Variants in ATRNL1 observed in about 807,000 individuals in gnomAD.
The protein encoded by ATRNL1 is attractin-like protein 1.
Under a neutral mutation model 182.7 loss-of-function variants are expected in ATRNL1, and 95 were observed. The observed-to-expected ratio is 0.52, with a 90% confidence interval of 0.44 to 0.62. The LOEUF (loss-of-function observed/expected upper bound fraction) is 0.62, where lower values mean the gene tolerates loss of function less well. Ranked by LOEUF, ATRNL1 falls within the 20% of genes least tolerant of loss-of-function variation. The probability of loss-of-function intolerance (pLI) is 0.00; values close to 1 mark genes in which losing one functional copy is unlikely to be tolerated. For missense variants in ATRNL1, 1,471 were observed against 1,679.5 expected (o/e 0.88, Z 2.17); for synonymous variants, 576 against 568.3 (o/e 1.01, Z -0.19).
At chr10:115,295,789 G>A (rs1323216044) in intron 15 of ATRNL1, among the ~76,000 whole-genome samples, 2 of 152,106 alleles carry the variant, frequency 1.3e-5, no homozygotes, top group Non-Finnish European at 2.9e-5. Flanking sequence ...TGTAGGACCA[G>A]AGTCACAGCC....
intron 26 of ATRNL1, among the ~76,000 whole-genome samples, chr10:115,726,477 CTT>C (rs1393625534): frequency 6.6e-6 from 1 of 152,124 alleles, no homozygotes; most frequent in Non-Finnish European, 1.5e-5. Context: ...TTTATCATGA[CTT>C]AATGAATATC....
At chr10:115,582,216 T>TAA (rs1855150512) in intron 26 of ATRNL1, among the ~76,000 whole-genome samples, 1 of 46,338 alleles carries the variant, frequency 2.2e-5, no homozygotes, top group East Asian at 7.1e-3. Context: ...CGTGTGCACG[T>TAA]GTCTTTATAG....
intron 19 of ATRNL1, among the ~76,000 whole-genome samples, chr10:115,343,104 C>T (rs1554938864): frequency 6.6e-6 from 1 of 152,070 alleles, no homozygotes; most frequent in African/African-American, 2.4e-5. Context: ...ATGTAGTCTT[C>T]TTTGGGTTTA....
chr10:115,188,948 T>A (rs1022065732), intron 8 of ATRNL1, among the ~76,000 whole-genome samples: 14 of 152,148 alleles, frequency 9.2e-5, no homozygotes, highest in African/African-American at 3.4e-4. Context: ...TTGGCATTTG[T>A]GGTAGAGTTT....
chr10:115,439,999 TTTAA>T lies in ATRNL1; in HGVS notation c.3322+13701_3322+13704del, dbSNP rs1329909235. Among the ~76,000 whole-genome samples the T allele has an allele frequency of 3.9e-5, 6 of 151,974 alleles. No individual in the cohort carries two copies. In the East Asian group the frequency reaches 7.7e-4, roughly 20 times the overall value. ...TTCCTTCTCCTTCCTCATTAATTTG[TTTAA>T]TTATTTATTTATATCGGTATGAACT... On this transcript the variant is annotated intron_variant, in intron 21 of 28. Coordinates refer to ENST00000355044, the MANE Select transcript of ATRNL1 (RefSeq NM_207303.4).
intron 26 of ATRNL1, among the ~76,000 whole-genome samples, chr10:115,583,021 G>A (rs1181033338): frequency 8.9e-5 from 13 of 146,544 alleles, no homozygotes; most frequent in African/African-American, 2.0e-4. Context: ...CCCATTGCTC[G>A]TTTTTCTCAG....
chr10:115,694,497 G>T (rs562505759), intron 26 of ATRNL1, among the ~76,000 whole-genome samples: 1,757 of 152,056 alleles, frequency 0.012, 33 homozygotes, highest in African/African-American at 0.04. Context: ...TTTTCATAAT[G>T]TAAACAGCTA....
At chr10:115,505,925 A>G (rs1176237694) in intron 24 of ATRNL1, among the ~76,000 whole-genome samples, 4 of 151,884 alleles carry the variant, frequency 2.6e-5, no homozygotes, top group African/African-American at 4.8e-5. Context: ...GGCTGGATTC[A>G]GGAACCAAAC....
chr10:115,856,572 A>G (rs782343765), intron 28 of ATRNL1, among the ~76,000 whole-genome samples: 3 of 151,842 alleles, frequency 2.0e-5, no homozygotes, highest in Non-Finnish European at 4.4e-5. Context: ...GTGGAAGACA[A>G]TTTTCCACAG....
At chr10:115,713,289 T>A (rs906350251) in intron 26 of ATRNL1, among the ~76,000 whole-genome samples, 3 of 152,174 alleles carry the variant, frequency 2.0e-5, no homozygotes, top group Non-Finnish European at 4.4e-5. Context: ...ACATCTTCTA[T>A]CTACCAGATA....
intron 27 of ATRNL1, among the ~76,000 whole-genome samples, chr10:115,757,776 C>T (rs1948629000): frequency 6.6e-6 from 1 of 152,054 alleles, no homozygotes; most frequent in Admixed American, 6.6e-5. Flanking sequence ...TTCCATTCTC[C>T]CCATCACTGT....
chr10:115,560,651 A>G (rs1853647473), intron 26 of ATRNL1, among the ~76,000 whole-genome samples: 1 of 152,098 alleles, frequency 6.6e-6, no homozygotes, highest in Admixed American at 6.5e-5. Context: ...TTATTTGTAG[A>G]AATTGACAAG....
Position 115,097,769 on chromosome 10 carries a change from C to T in ATRNL1, c.293+3726C>T, listed in dbSNP as rs555796007. 3.9e-5 allele frequency among the ~76,000 whole-genome samples: 6 copies of T among 152,058 alleles called. No homozygotes were observed. In the East Asian group the frequency reaches 1.2e-3, roughly 30 times the overall value. On this transcript the variant is annotated intron_variant, in intron 1 of 28. Coordinates refer to ENST00000355044, the MANE Select transcript of ATRNL1 (RefSeq NM_207303.4). ...TGAAACCCCGTCTCTACTAAAAATA[C>T]AAAAATTAGCTGGGTGTGATGGCAC...
intron 26 of ATRNL1, among the ~76,000 whole-genome samples, chr10:115,658,572 C>T (rs1860481824): frequency 1.3e-5 from 2 of 152,060 alleles, no homozygotes; most frequent in South Asian, 2.1e-4. Context: ...GCAGCATTCT[C>T]CACTGAAGGA....
Position 115,349,102 on chromosome 10 carries a change from T to C in ATRNL1, c.3175+14683T>C, listed in dbSNP as rs868944301. On this transcript the variant is annotated intron_variant, in intron 19 of 28. Transcript: ENST00000355044. Reference sequence around the variant, plus strand: ...TTTATACCCATTAACCATTTCTATTTATCCTCATCTCCTCACTAGTGTTCA... The same window carrying C: ...TTTATACCCATTAACCATTTCTATTCATCCTCATCTCCTCACTAGTGTTCA... 7.9e-5 allele frequency among the ~76,000 whole-genome samples: 12 copies of C among 152,334 alleles called. No individual in the cohort carries two copies. The South Asian group carries it at 1.7e-3, about 21-fold the overall frequency.
At chr10:115,132,498 A>G (rs1311275713) in intron 5 of ATRNL1, among the ~76,000 whole-genome samples, 3 of 152,186 alleles carry the variant, frequency 2.0e-5, no homozygotes, top group Non-Finnish European at 4.4e-5. Context: ...TCCTTGAGGA[A>G]TTGCCACACT....
intron 8 of ATRNL1, among the ~76,000 whole-genome samples, chr10:115,181,676 C>A (rs557966402): frequency 4.1e-4 from 62 of 151,646 alleles, no homozygotes; most frequent in African/African-American, 1.4e-3. Flanking sequence ...TAAAAATTAA[C>A]AATAAAACAG....
At chr10:115,377,720 C>A (rs1161139726) in intron 19 of ATRNL1, among the ~76,000 whole-genome samples, 1 of 152,110 alleles carries the variant, frequency 6.6e-6, no homozygotes, top group Admixed American at 6.6e-5. Flanking sequence ...AGTCCTTCTC[C>A]TGTTGGGTCC....
chr10:115,473,157 A>G (rs1257740762), intron 24 of ATRNL1, among the ~76,000 whole-genome samples: 1 of 151,258 alleles, frequency 6.6e-6, no homozygotes, highest in Admixed American at 6.6e-5. Context: ...TGATTCATGT[A>G]TGTTGAACCA....
Sources: gnomAD v4.1 joint callset for allele counts (sites outside exome capture counted in the v4.1 genomes callset) on GRCh38, gnomAD v4.1.1 for gene constraint, MANE v1.5 for transcripts, NCBI Gene and HGNC (gene_info 2026-07-23, HGNC 2026-07-21) for gene names.